ADK: variants seen among roughly 807,000 people sequenced by gnomAD.
ADK encodes N6,N6-dimethyladenosine kinase.
ADK carries 24 observed loss-of-function variants against 44.7 expected under a neutral mutation model. The observed-to-expected ratio is 0.54, with a 90% confidence interval of 0.39 to 0.76. ADK has a LOEUF of 0.76. ADK is among the 30% of genes least tolerant of loss of function. The pLI is 0.00. For synonymous variants in ADK, 128 were observed against 142.6 expected, an observed-to-expected ratio of 0.90 and a Z score of 0.73; for missense variants, 321 against 425.1, an observed-to-expected ratio of 0.76 and a Z score of 2.15.
chr10:74,205,987 G>A (rs1843582882), intron 2 of ADK, among the ~76,000 whole-genome samples: 1 of 152,070 alleles, frequency 6.6e-6, no homozygotes, highest in East Asian at 1.9e-4. Context: ...ATATATCAAA[G>A]GCTGTAATAA....
intron 3 of ADK, among the ~76,000 whole-genome samples, chr10:74,239,530 G>A (rs1426646229): frequency 6.6e-6 from 1 of 151,892 alleles, no homozygotes; most frequent in Non-Finnish European, 1.5e-5. Context: ...CGGCAACATA[G>A]TGAGAGCCCC....
rs543817414 is a variant in ADK at position 74,151,262 on chromosome 10, G to A, written c.-17G>A. Reference sequence around the variant, plus strand: ...CAGAGGTGGGCTGTAGAGCCAAAGTGGGGTGGGAGCGCGAAGATGGCAGCT... The same window carrying A: ...CAGAGGTGGGCTGTAGAGCCAAAGTAGGGTGGGAGCGCGAAGATGGCAGCT... On this transcript the variant is annotated 5_prime_UTR_variant, in exon 1 of 11. Transcript: ENST00000539909. 19 of 1,549,654 alleles carry A rather than the reference G, an allele frequency of 1.2e-5. 2 individuals are homozygous for A. In the African/African-American group the frequency reaches 1.5e-4, roughly 12 times the overall value.
chr10:74,359,566 T>C (rs1211141477), intron 4 of ADK, among the ~76,000 whole-genome samples: 1 of 152,024 alleles, frequency 6.6e-6, no homozygotes, highest in Admixed American at 6.6e-5. Context: ...TTTAATTAGC[T>C]AGGCATGGTA....
intron 4 of ADK, among the ~76,000 whole-genome samples, chr10:74,375,469 A>G (rs376503736): frequency 2.0e-5 from 3 of 152,348 alleles, no homozygotes; most frequent in East Asian, 3.9e-4. Flanking sequence ...AGGCTAAAAT[A>G]TGGACTCTCC....
At chr10:74,187,735 A>ATGTT (rs1380984904) in intron 1 of ADK, among the ~76,000 whole-genome samples, 1 of 151,886 alleles carries the variant, frequency 6.6e-6, no homozygotes, top group Non-Finnish European at 1.5e-5. Context: ...TAGAAGCTTT[A>ATGTT]TGTTTTTGTC....
intron 3 of ADK, among the ~76,000 whole-genome samples, chr10:74,285,523 CATCTATATCTATAT>C (rs71839947): frequency 0.64 from 97,571 of 151,574 alleles, 32,758 homozygotes; most frequent in Middle Eastern, 0.79. Context: ...TATATTTATA[CATCTATATCTATAT>C]ATCTATATCT....
chr10:74,371,774 G>C, intron 4 of ADK: 1 of 1,327,456 alleles, frequency 7.5e-7, no homozygotes, highest in Non-Finnish European at 1.1e-6. Context: ...TATCCTCCAG[G>C]AATATTGGCC....
chr10:74,628,520 G>A lies in ADK; in HGVS notation c.877+28027G>A, dbSNP rs547243148. ...GCAGATGTTCTGAAGAATCTCACTCGTCTCACCTGGATTAAGTTTTTTTCA... is the reference window on the plus strand; with the variant it reads ...GCAGATGTTCTGAAGAATCTCACTCATCTCACCTGGATTAAGTTTTTTTCA... On this transcript the variant is annotated intron_variant, in intron 9 of 10. Coordinates refer to ENST00000539909, the MANE Select transcript of ADK (RefSeq NM_006721.4). 9.2e-5 allele frequency among the ~76,000 whole-genome samples: 14 copies of A among 151,588 alleles called. No individual in the cohort carries two copies. In the South Asian group the frequency reaches 1.0e-3, roughly 11 times the overall value.
chr10:74,576,839 A>G (rs1232235218), intron 7 of ADK, among the ~76,000 whole-genome samples: 1 of 152,138 alleles, frequency 6.6e-6, no homozygotes. Flanking sequence ...AGACTACAGA[A>G]TACCACAAGC....
intron 1 of ADK, among the ~76,000 whole-genome samples, chr10:74,172,089 AC>A (rs1485155010): frequency 2.0e-4 from 30 of 150,826 alleles, no homozygotes; most frequent in African/African-American, 7.1e-4. Context: ...AATTTTTTTG[AC>A]CATTAATAAA....
At chr10:74,364,247 A>G (rs903666682) in intron 4 of ADK, among the ~76,000 whole-genome samples, 1 of 151,982 alleles carries the variant, frequency 6.6e-6, no homozygotes, top group African/African-American at 2.4e-5. Context: ...TCTCTTCTTG[A>G]TCTTTGCTAA....
At chr10:74,665,736 TGAGAGAGAGA>T (rs59620474) in intron 9 of ADK, among the ~76,000 whole-genome samples, 25,990 of 116,156 alleles carry the variant, frequency 0.22, 3,206 homozygotes, top group East Asian at 0.55. Flanking sequence ...CCTTAGCTCT[TGAGAGAGAGA>T]GAGAGAGAGA....
chr10:74,479,436 T>C (rs893718546), intron 6 of ADK, among the ~76,000 whole-genome samples: 15 of 151,008 alleles, frequency 9.9e-5, no homozygotes, highest in African/African-American at 3.6e-4. Context: ...TACCCCTCTC[T>C]TTTAGCCACT....
At chr10:74,372,299 G>C (rs200971144) in intron 4 of ADK, 4 of 759,648 alleles carry the variant, frequency 5.3e-6, no homozygotes, top group Non-Finnish European at 9.6e-6. Context: ...TGCCCTCTGC[G>C]CCTATTCATC....
chr10:74,559,412 TAA>T (rs1199579184), intron 7 of ADK, among the ~76,000 whole-genome samples: 1 of 152,260 alleles, frequency 6.6e-6, no homozygotes, highest in Admixed American at 6.5e-5. Context: ...TTATTTTGTA[TAA>T]GAGTGGTATT....
chr10:74,266,324 C>T (rs1420677794), intron 3 of ADK, among the ~76,000 whole-genome samples: 6 of 152,012 alleles, frequency 3.9e-5, no homozygotes, highest in African/African-American at 4.8e-5. Context: ...CTTGGGAGGC[C>T]GAGGTGGGTG....
chr10:74,589,261 T>C, intron 7 of ADK, 21 bp from the exon 8 acceptor site: 1 of 1,606,094 alleles, frequency 6.2e-7, no homozygotes, highest in Non-Finnish European at 8.5e-7. Context: ...AATTAACTGT[T>C]CTTTTTTTTT....
intron 10 of ADK, among the ~76,000 whole-genome samples, chr10:74,683,795 G>A (rs1855699782): frequency 4.6e-5 from 7 of 152,156 alleles, no homozygotes; most frequent in Non-Finnish European, 1.0e-4. Context: ...TGGTTTTGTC[G>A]TCCTCCGTAA....
At chr10:74,623,186 G>A (rs971069438) in intron 9 of ADK, among the ~76,000 whole-genome samples, 1 of 152,060 alleles carries the variant, frequency 6.6e-6, no homozygotes, top group African/African-American at 2.4e-5. Flanking sequence ...GTCTTCCACT[G>A]GCATTTTGTG....
Sources: gnomAD v4.1 joint callset for allele counts (sites outside exome capture counted in the v4.1 genomes callset) on GRCh38, gnomAD v4.1.1 for gene constraint, MANE v1.5 for transcripts, NCBI Gene and HGNC (gene_info 2026-07-23, HGNC 2026-07-21) for gene names.